The following MAX variants were observed in gnomAD, a reference collection of about 807,000 sequenced individuals.
MAX encodes MYC associated transcriptional regulator X.
MAX carries 3 observed loss-of-function variants against 22.3 expected under a neutral mutation model. The ratio of observed to expected loss-of-function variants is 0.13; its 90% CI spans 0.06 to 0.35. The LOEUF (loss-of-function observed/expected upper bound fraction) is 0.35, where lower values mean the gene tolerates loss of function less well. Among genes scored for constraint, MAX ranks in the 10% least tolerant of loss-of-function variants. The pLI, the probability that MAX is intolerant of heterozygous loss-of-function variation, is 1.00. For synonymous variants in MAX, 72 were observed against 77.7 expected (o/e 0.93, Z 0.39); for missense variants, 119 against 209.4 (o/e 0.57, Z 2.66).
chr14:65,058,189 A>C (rs1402975626), intron 3 of MAX, among the ~76,000 whole-genome samples: 1 of 148,828 alleles, frequency 6.7e-6, no homozygotes, highest in Non-Finnish European at 1.5e-5. Context: ...CCATTTATGA[A>C]CATAATTTTT....
Position 65,029,791 on chromosome 14 carries a change from C to T in MAX, c.172-23507G>A. ...GAGGCCCTGAAATCTCCTATGGAGT[C>T]TGGAGTTTAGTGATGTGATCTGATT... On this transcript the variant is annotated intron_variant, in intron 3 of 3. Transcript: ENST00000341653. This position sits in a 1 kb window ranked among gnomAD's most constrained non-coding sequence, Gnocchi z 4.7. 6.6e-6 allele frequency among the ~76,000 whole-genome samples: 1 copy of T among 152,086 alleles called. No individual in the cohort carries two copies. Among genetic ancestry groups the T allele is most frequent in the Admixed American group, 6.6e-5 (1 of 15,266 alleles).
rs1434063712 is a variant in MAX, at chr14:65,028,565, A to G, written c.172-22281T>C. The stretch of plus-strand genomic sequence containing the variant: ...AGTTGATTAATAGTCTGGCTTAAGC[A>G]TCTGGTTTAACCATTGGTTTGAAAG... On this transcript the variant is annotated intron_variant, in intron 3 of 3. Transcript: ENST00000341653. The surrounding 1 kb of genome is among the most constrained non-coding windows in gnomAD (Gnocchi z 4.4). Among the ~76,000 whole-genome samples, 2 of 152,254 alleles carry G rather than the reference A, an allele frequency of 1.3e-5. No homozygotes were observed. Among genetic ancestry groups the G allele is most frequent in the East Asian group, 3.8e-4 (2 of 5,200 alleles).
Position 65,093,739 on chromosome 14 carries a change from C to T in MAX, c.140G>A (p.Arg47Gln), listed in dbSNP as rs2063580413. The stretch of plus-strand genomic sequence containing the variant: ...TCCTTGGAGTGATGGGACTGAGTCC[C>T]GCAAACTGTGAAAGCTGTCTTTGAT... ...DHIKDSFHSL[R>Q]DSVPSLQGEK... The change falls in exon 3 of 5, where the codon CGG becomes CAG. Residue 47 changes from arginine (R) to glutamine (Q), a missense_variant. This residue lies in a region of MAX where 95 missense variants were observed against 148.1 expected (regional missense o/e 0.64). Coordinates refer to ENST00000358664, the MANE Select transcript of MAX (RefSeq NM_002382.5). The surrounding 1 kb of genome is among the most constrained non-coding windows in gnomAD (Gnocchi z 4.4). The T allele has an allele frequency of 2.5e-6, 4 of 1,611,250 alleles. No individual in the cohort carries two copies. The highest frequency in any genetic ancestry group is 3.4e-6 in the Non-Finnish European group (4 of 1,177,470).
chr14:65,053,097 G>C (rs1463631310), intron 3 of MAX: 3 of 525,190 alleles, frequency 5.7e-6, no homozygotes, highest in Non-Finnish European at 8.9e-6. Context: ...ACATGGGGAA[G>C]ATAGCAGTTG....
Position 65,076,907 on chromosome 14 carries a change from G to A in MAX, c.296-244C>T. 1 of 606,616 alleles carries A rather than the reference G, an allele frequency of 1.6e-6. No homozygotes were observed. Among genetic ancestry groups the A allele is most frequent in the South Asian group, 1.9e-5 (1 of 53,368 alleles). 37.6% of individuals were successfully genotyped at this position (606,616 alleles called of 1,614,324 possible). On this transcript the variant is annotated intron_variant, in intron 4 of 4. Transcript: ENST00000358664. This position sits in a 1 kb window ranked among gnomAD's most constrained non-coding sequence, Gnocchi z 6.6. Reference sequence around the variant, plus strand: ...CAATCCCACCCAACTCTGAAGAGAAGGCTTGTGATGTCACCGTCCTGCCGT... The same window carrying A: ...CAATCCCACCCAACTCTGAAGAGAAAGCTTGTGATGTCACCGTCCTGCCGT...
At chr14:65,056,130 G>T (rs1049224820) in intron 3 of MAX, among the ~76,000 whole-genome samples, 1 of 152,106 alleles carries the variant, frequency 6.6e-6, no homozygotes, top group Non-Finnish European at 1.5e-5. Context: ...ACAGTTGCTT[G>T]CATGTTTTCA....
Position 65,034,656 on chromosome 14 carries a change from T to A in MAX, c.172-28372A>T, listed in dbSNP as rs537777098. Among the ~76,000 whole-genome samples the A allele has an allele frequency of 2.6e-5, 4 of 152,296 alleles. No individual in the cohort carries two copies. In the South Asian group the frequency reaches 8.3e-4, roughly 32 times the overall value. ...GCCTGTGTTTGGTTCTCTTTTATAT[T>A]TTGTGTTTCTCAGCTGAGATTTTCC... On this transcript the variant is annotated intron_variant, in intron 3 of 3. Coordinates refer to the MAX transcript ENST00000341653.
chr14:65,076,995 G>C lies in MAX; in HGVS notation c.296-332C>G, dbSNP rs932336434. On this transcript the variant is annotated intron_variant, in intron 4 of 4. Coordinates refer to ENST00000358664, the MANE Select transcript of MAX (RefSeq NM_002382.5). This position sits in a 1 kb window ranked among gnomAD's most constrained non-coding sequence, Gnocchi z 6.6. ...TGGGATTCAGCAGTGCAATAACAGA[G>C]GAGAAGCTGGCCCAGGAGCATGAGG... 16 of 543,236 alleles carry C rather than the reference G, an allele frequency of 2.9e-5. 1 individual carries two copies. The South Asian group carries it at 3.3e-4, about 11-fold the overall frequency. The allele number at this position is 543,236 out of a possible 1,614,324, so 33.7% of individuals were successfully genotyped here. A position where few individuals can be genotyped will look rare whatever the true frequency, so the allele number is the denominator to read the frequency against.
rs952206250 is a variant in MAX at position 65,027,168 on chromosome 14, C to A, written c.172-20884G>T. The stretch of plus-strand genomic sequence containing the variant: ...GTGTGGGAAGCACGGGAGACTCTTA[C>A]CCCATAGCTACGAAAGTCGGTTTCT... On this transcript the variant is annotated intron_variant, in intron 3 of 3. Coordinates refer to the MAX transcript ENST00000341653. This position sits in a 1 kb window ranked among gnomAD's most constrained non-coding sequence, Gnocchi z 5.7. Among the ~76,000 whole-genome samples the A allele has an allele frequency of 1.3e-5, 2 of 152,206 alleles. No individual in the cohort carries two copies. Among genetic ancestry groups the A allele is most frequent in the Admixed American group, 6.5e-5 (1 of 15,276 alleles).
intron 3 of MAX, among the ~76,000 whole-genome samples, chr14:65,025,764 C>T (rs779543233): frequency 2.0e-5 from 3 of 152,098 alleles, no homozygotes; most frequent in African/African-American, 4.8e-5. Context: ...TGCAGTGAGC[C>T]GTGATTATGC....
At chr14:65,089,444 T>C (rs976701956) in intron 3 of MAX, among the ~76,000 whole-genome samples, 4 of 152,108 alleles carry the variant, frequency 2.6e-5, no homozygotes, top group African/African-American at 9.7e-5. Context: ...CAACAGGCAC[T>C]GAGGGAGAGA....
At position 65,009,508 on chromosome 14, in the gene MAX, A is replaced by G. The variant is rs2061652130; in HGVS notation, c.172-3224T>C. Among the ~76,000 whole-genome samples, 1 of 152,058 alleles carries G rather than the reference A, an allele frequency of 6.6e-6. No homozygotes were observed. The highest frequency in any genetic ancestry group is 2.4e-5 in the African/African-American group (1 of 41,390). ...TTTCCTGTTTCCTTCTTCCCACATCAGAGACCTATATTTCGCTAGCTTCGT... is the reference window on the plus strand; with the variant it reads ...TTTCCTGTTTCCTTCTTCCCACATCGGAGACCTATATTTCGCTAGCTTCGT... On this transcript the variant is annotated intron_variant, in intron 3 of 3. Coordinates refer to the MAX transcript ENST00000341653. The surrounding 1 kb of genome is among the most constrained non-coding windows in gnomAD (Gnocchi z 4.2).
At chr14:65,070,963 A>G (rs1020389720), downstream of MAX, among the ~76,000 whole-genome samples, 2 of 152,156 alleles carry the variant, frequency 1.3e-5, no homozygotes, top group African/African-American at 4.8e-5. The surrounding 1 kb of genome is among the most constrained non-coding windows in gnomAD (Gnocchi z 4.4). Context: ...GGTATATTTC[A>G]TTCCTCAACT....
chr14:65,053,536 T>A (rs1310983788), intron 3 of MAX, among the ~76,000 whole-genome samples: 4 of 151,414 alleles, frequency 2.6e-5, no homozygotes, highest in Non-Finnish European at 5.9e-5. Context: ...TCTTGGCACC[T>A]CCAGCTGCCC....
At chr14:65,037,126 G>A (rs983102154) in intron 3 of MAX, among the ~76,000 whole-genome samples, 7 of 149,568 alleles carry the variant, frequency 4.7e-5, no homozygotes, top group Admixed American at 2.7e-4. Flanking sequence ...CCTTTGAGAC[G>A]GAGTCTTGCT....
At position 65,070,112 on chromosome 14, in the gene MAX, G is replaced by C. The variant is rs1028177956; in HGVS notation, c.171+23596C>G. 1.2e-4 allele frequency among the ~76,000 whole-genome samples: 19 copies of C among 152,330 alleles called. No homozygotes were observed. The highest frequency in any genetic ancestry group is 4.3e-4 in the African/African-American group (18 of 41,576). Reference sequence around the variant, plus strand: ...CCAGCCGGATTCCGGATGAGTGACTGGGGGTGCATGCCCATTGGGTTATTT... The same window carrying C: ...CCAGCCGGATTCCGGATGAGTGACTCGGGGTGCATGCCCATTGGGTTATTT... On this transcript the variant is annotated intron_variant, in intron 3 of 3. Coordinates refer to the MAX transcript ENST00000341653. The surrounding 1 kb of genome is among the most constrained non-coding windows in gnomAD (Gnocchi z 4.4).
intron 2 of MAX, among the ~76,000 whole-genome samples, chr14:65,096,146 A>G (rs892577045): frequency 6.6e-6 from 1 of 152,172 alleles, no homozygotes; most frequent in Non-Finnish European, 1.5e-5. Context: ...GCCTGGTAGA[A>G]AGCCTGGGCT....
intron 3 of MAX, among the ~76,000 whole-genome samples, chr14:65,057,649 G>A (rs1462635940): frequency 2.0e-5 from 3 of 152,208 alleles, no homozygotes; most frequent in Non-Finnish European, 4.4e-5. Context: ...AATGCAGCAA[G>A]TCATTAAGTG....
At chr14:65,081,792 G>T (rs149110615) in intron 3 of MAX, among the ~76,000 whole-genome samples, 1 of 152,280 alleles carries the variant, frequency 6.6e-6, no homozygotes, top group African/African-American at 2.4e-5. Context: ...AAATGGCTTG[G>T]ATGGAGCCCT....
Sources: allele counts gnomAD v4.1 joint callset (sites outside exome capture counted in the v4.1 genomes callset), GRCh38; gene constraint gnomAD v4.1.1; regional missense constraint gnomAD v4.1.1; non-coding constraint Gnocchi (gnomAD v3.1); transcripts MANE v1.5; gene names NCBI Gene and HGNC (gene_info 2026-07-23, HGNC 2026-07-21).